ANKRD13A: variants seen among roughly 807,000 people sequenced by gnomAD.
The protein encoded by ANKRD13A is ankyrin repeat domain-containing protein 13A.
Under a neutral mutation model 81.3 loss-of-function variants are expected in ANKRD13A, and 48 were observed. That is an observed-to-expected ratio of 0.59 (90% CI 0.47 to 0.75). The LOEUF is 0.75. ANKRD13A is among the 30% of genes least tolerant of loss of function. The pLI is 0.00. For missense variants in ANKRD13A, 612 were observed against 734.0 expected, an observed-to-expected ratio of 0.83 and a Z score of 1.92; for synonymous variants, 230 against 270.1, an observed-to-expected ratio of 0.85 and a Z score of 1.45.
intron 3 of ANKRD13A, 124 bp downstream of exon 3, chr12:110,013,373 C>A: frequency 8.6e-7 from 1 of 1,163,428 alleles, no homozygotes; most frequent in Non-Finnish European, 1.2e-6. Flanking sequence ...ATGAAATACT[C>A]AATACCAATC....
At chr12:110,035,924 A>G (rs556635486) in intron 13 of ANKRD13A, among the ~76,000 whole-genome samples, 11 of 152,186 alleles carry the variant, frequency 7.2e-5, no homozygotes, top group Non-Finnish European at 1.3e-4. Context: ...CTAAAAAAAC[A>G]AAAACCTGCT....
chr12:110,024,004 A>T, intron 6 of ANKRD13A, 42 bp from the exon 7 acceptor site: 1 of 1,573,896 alleles, frequency 6.4e-7, no homozygotes, highest in Non-Finnish European at 8.7e-7. Context: ...TCTGAATGGC[A>T]TATTGTACAT....
At chr12:110,013,392 C>A in intron 3 of ANKRD13A, 143 bp downstream of exon 3, 5 of 1,045,810 alleles carry the variant, frequency 4.8e-6, no homozygotes, top group Non-Finnish European at 6.8e-6. Context: ...TCACATTATT[C>A]CTTGCCCTTC....
rs766870223 is a variant in ANKRD13A at position 110,029,533 on chromosome 12, G to T, written c.1132G>T (p.Val378Phe). 3.7e-6 allele frequency: 6 copies of T among 1,614,048 alleles called. No individual in the cohort carries two copies. In the East Asian group the frequency reaches 1.3e-4, roughly 36 times the overall value. ...GTTTCCCCTCTCTCTGGTGGAGCAG[G>T]TCATTCCCATCATTGACCTAATGGC... is the stretch of plus-strand genomic sequence containing the variant. Reference protein sequence around the residue: ...EEFPLSLVEQVIPIIDLMART... With the variant: ...EEFPLSLVEQFIPIIDLMART... The change falls in exon 11 of 15, where the codon GTC (valine) becomes TTC (phenylalanine). Residue 378 changes from valine (V) to phenylalanine (F), a missense_variant. Transcript: ENST00000261739.
chr12:110,015,461 T>G (rs533033902), intron 3 of ANKRD13A, among the ~76,000 whole-genome samples: 1 of 152,366 alleles, frequency 6.6e-6, no homozygotes, highest in East Asian at 1.9e-4. Context: ...AGGTTCATCT[T>G]TCTCTTACTG....
chr12:110,018,434 T>C lies in ANKRD13A; in HGVS notation c.490T>C (p.Phe164Leu). The stretch of plus-strand genomic sequence containing the variant: ...GCGCGTCGATATCACATTGCTGGGA[T>C]TTGAAAACATGAGCTGGATAAGAGG... ...KLRVDITLLG[F>L]ENMSWIRGRR... The change falls in exon 5 of 15, where the codon TTT becomes CTT. Residue 164 changes from phenylalanine (F) to leucine (L), a missense_variant. By Grantham distance (22) the Phe-to-Leu change is conservative. Coordinates refer to ENST00000261739, the MANE Select transcript of ANKRD13A (RefSeq NM_033121.2). The surrounding 1 kb of genome is among the most constrained non-coding windows in gnomAD (Gnocchi z 4.4). The C allele has an allele frequency of 6.2e-7, 1 of 1,614,134 alleles. No individual in the cohort carries two copies. Among genetic ancestry groups the C allele is most frequent in the Non-Finnish European group, 8.5e-7 (1 of 1,180,026 alleles).
At chr12:110,026,888 A>G (rs1891376126) in intron 8 of ANKRD13A, 1 of 152,138 alleles carries the variant, frequency 6.6e-6, no homozygotes, top group African/African-American at 2.4e-5. Context: ...TCTCAAAAAA[A>G]AGAAAAAGGA....
intron 8 of ANKRD13A, 93 bp downstream of exon 8, chr12:110,025,916 G>T: frequency 1.9e-6 from 2 of 1,080,790 alleles, no homozygotes; most frequent in Admixed American, 2.2e-5. Context: ...TAGGGTTAAT[G>T]TGATTGGGTT....
chr12:110,018,359 A>G lies in ANKRD13A; in HGVS notation c.415A>G (p.Arg139Gly), dbSNP rs751295658. Reference sequence around the variant, plus strand: ...CTCTCCTCCAGTGCCCTTGGTTTCTAGAATATGCCCAAATGATGTCTGTCG... The same window carrying G: ...CTCTCCTCCAGTGCCCTTGGTTTCTGGAATATGCCCAAATGATGTCTGTCG... ...EFTSWVPLVSRICPNDVCRIW... is the reference protein window; with the variant it reads ...EFTSWVPLVSGICPNDVCRIW... Residue 139 changes from arginine (R) to glycine (G), a missense_variant, in exon 5 of 15, where the codon AGA becomes GGA. Arg to Gly is a moderately radical substitution (Grantham distance 125). Coordinates refer to ENST00000261739, the MANE Select transcript of ANKRD13A (RefSeq NM_033121.2). The surrounding 1 kb of genome is among the most constrained non-coding windows in gnomAD (Gnocchi z 4.4). The G allele has an allele frequency of 1.2e-6, 2 of 1,614,066 alleles. No individual in the cohort carries two copies. The highest frequency in any genetic ancestry group is 1.1e-5 in the South Asian group (1 of 91,066).
intron 6 of ANKRD13A, among the ~76,000 whole-genome samples, chr12:110,023,018 G>T (rs1891152725): frequency 6.6e-6 from 1 of 152,176 alleles, no homozygotes; most frequent in African/African-American, 2.4e-5. Flanking sequence ...TAGAAGAAAA[G>T]CAAACTATTT....
At chr12:110,015,789 C>T (rs1176057964) in intron 3 of ANKRD13A, among the ~76,000 whole-genome samples, 1 of 151,800 alleles carries the variant, frequency 6.6e-6, no homozygotes, top group Non-Finnish European at 1.5e-5. Context: ...TTAACTCATC[C>T]ACCCGCCTCG....
chr12:110,012,388 G>A (rs2137105323), intron 2 of ANKRD13A, among the ~76,000 whole-genome samples: 1 of 152,238 alleles, frequency 6.6e-6, no homozygotes, highest in African/African-American at 2.4e-5. Flanking sequence ...ATTCATTTTA[G>A]TTTCTGTTTC....
chr12:110,007,750 CAT>C (rs1890315240), intron 1 of ANKRD13A, among the ~76,000 whole-genome samples: 1 of 152,250 alleles, frequency 6.6e-6, no homozygotes, highest in African/African-American at 2.4e-5. Flanking sequence ...TTTATTGTGT[CAT>C]ATTTATTCCT....
chr12:110,013,733 G>C (rs539590840), intron 3 of ANKRD13A, among the ~76,000 whole-genome samples: 58 of 152,072 alleles, frequency 3.8e-4, no homozygotes, highest in Non-Finnish European at 6.8e-4. Flanking sequence ...CCTGAGTGAG[G>C]GTGCAGTGAT....
rs1187270934 is a variant in ANKRD13A, at chr12:110,018,958, TG to T, written c.545-179del. ...ATGGCTCAGAGCTTCCTATGTGTTG[TG>T]GAAAGCTGGTCAGATAATCCCTGTG... On this transcript the variant is annotated intron_variant, in intron 5 of 14. Coordinates refer to ENST00000261739, the MANE Select transcript of ANKRD13A (RefSeq NM_033121.2). This position sits in a 1 kb window ranked among gnomAD's most constrained non-coding sequence, Gnocchi z 4.4. Among the ~76,000 whole-genome samples the T allele has an allele frequency of 6.6e-6, 1 of 152,188 alleles. No homozygotes were observed. The highest frequency in any genetic ancestry group is 2.4e-5 in the African/African-American group (1 of 41,444).
intron 1 of ANKRD13A, among the ~76,000 whole-genome samples, chr12:110,002,366 C>T (rs1481817389): frequency 1.3e-5 from 2 of 152,140 alleles, no homozygotes; most frequent in African/African-American, 2.4e-5. Context: ...CCTGGAATCT[C>T]AGCACTTTGG....
intron 9 of ANKRD13A, 39 bp from the exon 10 acceptor site, chr12:110,028,473 A>T: frequency 6.2e-7 from 1 of 1,611,510 alleles, no homozygotes; most frequent in Non-Finnish European, 8.5e-7. Context: ...TGTGAACATC[A>T]TTTGGCATTT....
chr12:110,004,474 G>A (rs1446460508), intron 1 of ANKRD13A, among the ~76,000 whole-genome samples: 4 of 151,812 alleles, frequency 2.6e-5, no homozygotes. Context: ...AATTAGCCAG[G>A]CGTGGTGGTG....
intron 12 of ANKRD13A, chr12:110,032,122 C>T (rs953580080): frequency 6.6e-6 from 1 of 152,062 alleles, no homozygotes; most frequent in African/African-American, 2.4e-5. Flanking sequence ...GAATGGCTGT[C>T]CTTGTCTTGT....
Sources: gnomAD v4.1 joint callset for allele counts (sites outside exome capture counted in the v4.1 genomes callset) on GRCh38, gnomAD v4.1.1 for gene constraint, Gnocchi (gnomAD v3.1) non-coding constraint, MANE v1.5 for transcripts, NCBI Gene and HGNC (gene_info 2026-07-23, HGNC 2026-07-21) for gene names.